The following REDIC1 variants were observed in gnomAD, a reference collection of about 807,000 sequenced individuals.
The protein encoded by REDIC1 is HEI10 Interacting Protein 1.
At chr12:39,737,621 G>A in the REDIC1 span, among the ~76,000 whole-genome samples, 1 of 152,148 alleles carries the variant, frequency 6.6e-6, no homozygotes, top group Non-Finnish European at 1.5e-5. Flanking sequence ...TTGCAGATAA[G>A]GAAGTTGAAT....
the REDIC1 span, among the ~76,000 whole-genome samples, chr12:39,894,635 A>T: frequency 2.6e-5 from 4 of 152,220 alleles, no homozygotes; most frequent in Non-Finnish European, 5.9e-5. Context: ...AATTAAACTG[A>T]TCTATTTGGG....
chr12:39,758,799 T>G, the REDIC1 span: 1 of 151,876 alleles, frequency 6.6e-6, no homozygotes, highest in African/African-American at 2.4e-5. Flanking sequence ...TATCTTTTTT[T>G]TTTCTGGTAA....
the REDIC1 span, among the ~76,000 whole-genome samples, chr12:39,713,237 TATATGTGTAC>T: frequency 8.8e-6 from 1 of 113,566 alleles, no homozygotes; most frequent in Non-Finnish European, 1.8e-5. Flanking sequence ...TATACGTGTA[TATATGTGTAC>T]ACACACATAC....
At chr12:39,761,377 G>A in the REDIC1 span, among the ~76,000 whole-genome samples, 4 of 152,008 alleles carry the variant, frequency 2.6e-5, no homozygotes, top group Non-Finnish European at 5.9e-5. Context: ...CTTGATCTGT[G>A]TAATGGGGAA....
the REDIC1 span, among the ~76,000 whole-genome samples, chr12:39,788,239 A>G: frequency 1.3e-5 from 2 of 152,138 alleles, no homozygotes; most frequent in Non-Finnish European, 2.9e-5. Context: ...TAAGTTAGGC[A>G]CAGTAAGAGA....
At chr12:39,850,518 T>C in the REDIC1 span, among the ~76,000 whole-genome samples, 1 of 152,170 alleles carries the variant, frequency 6.6e-6, no homozygotes, top group Non-Finnish European at 1.5e-5. Flanking sequence ...TCTAGTCATA[T>C]ATAGCAAGCC....
At chr12:39,813,024 T>TTTTTTTA in the REDIC1 span, among the ~76,000 whole-genome samples, 1 of 134,980 alleles carries the variant, frequency 7.4e-6, no homozygotes, top group East Asian at 2.2e-4. Context: ...TTTTTTTTTT[T>TTTTTTTA]AGTAGAGATG....
the REDIC1 span, among the ~76,000 whole-genome samples, chr12:39,818,529 C>T: frequency 6.6e-6 from 1 of 152,070 alleles, no homozygotes; most frequent in African/African-American, 2.4e-5. Context: ...TAGCTAATTA[C>T]GTAAGTTTAT....
chr12:39,885,386 T>C, the REDIC1 span, among the ~76,000 whole-genome samples: 1 of 152,156 alleles, frequency 6.6e-6, no homozygotes, highest in Admixed American at 6.5e-5. Flanking sequence ...ATGGGCTTTA[T>C]TCAGTCATCT....
chr12:39,651,721 T>C, the REDIC1 span, among the ~76,000 whole-genome samples: 1 of 152,170 alleles, frequency 6.6e-6, no homozygotes, highest in African/African-American at 2.4e-5. Flanking sequence ...CTGAGATACA[T>C]TTTTTAAAAC....
the REDIC1 span, among the ~76,000 whole-genome samples, chr12:39,667,815 A>T: frequency 2.6e-5 from 4 of 152,174 alleles, no homozygotes; most frequent in African/African-American, 9.7e-5. Flanking sequence ...CTTTACCATT[A>T]TGTAATGGCC....
the REDIC1 span, among the ~76,000 whole-genome samples, chr12:39,696,557 A>AAAT: frequency 7.3e-6 from 1 of 136,062 alleles, no homozygotes; most frequent in Non-Finnish European, 1.5e-5. Flanking sequence ...AAAAAAAAAA[A>AAAT]AAAAAAAAAA....
chr12:39,814,056 C>A, the REDIC1 span, among the ~76,000 whole-genome samples: 1 of 152,122 alleles, frequency 6.6e-6, no homozygotes, highest in Non-Finnish European at 1.5e-5. Flanking sequence ...TCTTTCAAGA[C>A]GAGGAAAACT....
chr12:39,687,702 A>C, the REDIC1 span, among the ~76,000 whole-genome samples: 1 of 152,224 alleles, frequency 6.6e-6, no homozygotes, highest in Non-Finnish European at 1.5e-5. Context: ...TCATCTTTCA[A>C]CATGAAAATG....
chr12:39,899,853 T>A, the REDIC1 span, among the ~76,000 whole-genome samples: 1 of 152,138 alleles, frequency 6.6e-6, no homozygotes, highest in African/African-American at 2.4e-5. Context: ...AGACAGTTTG[T>A]TATAATTTCT....
chr12:39,629,808 G>A, the REDIC1 span, among the ~76,000 whole-genome samples: 2 of 152,144 alleles, frequency 1.3e-5, no homozygotes, highest in Non-Finnish European at 2.9e-5. Flanking sequence ...CCAAACTACT[G>A]TCTCTTTGAG....
the REDIC1 span, among the ~76,000 whole-genome samples, chr12:39,893,016 C>T: frequency 9.9e-5 from 15 of 152,046 alleles, no homozygotes; most frequent in Non-Finnish European, 1.6e-4. Context: ...CTTTAAGCTA[C>T]TCTAAATTCA....
the REDIC1 span, among the ~76,000 whole-genome samples, chr12:39,785,930 A>G: frequency 1.3e-5 from 2 of 152,114 alleles, no homozygotes; most frequent in Non-Finnish European, 2.9e-5. Context: ...CTGTATCCTC[A>G]TTGTATTTAG....
the REDIC1 span, chr12:39,830,449 C>G: frequency 8.8e-6 from 11 of 1,255,794 alleles, no homozygotes; most frequent in Non-Finnish European, 1.1e-5. Context: ...TTGGAAGTCA[C>G]TTTGAGCTGA....
Sources: gnomAD v4.1 joint callset for allele counts (sites outside exome capture counted in the v4.1 genomes callset) on GRCh38, gnomAD v4.1.1 for gene constraint, MANE v1.5 for transcripts, NCBI Gene and HGNC (gene_info 2026-07-23, HGNC 2026-07-21) for gene names.